The following PHLPP1 variants were observed in gnomAD, a reference collection of about 807,000 sequenced individuals.
PHLPP1 encodes the protein PH domain and leucine rich repeat protein phosphatase 1.
In PHLPP1, 42 loss-of-function variants were observed where a neutral mutation model predicts 117.2. That is an observed-to-expected ratio of 0.36 (90% CI 0.28 to 0.46). The LOEUF (loss-of-function observed/expected upper bound fraction) is 0.46, where lower values mean the gene tolerates loss of function less well. Ranked by LOEUF, PHLPP1 falls within the 20% of genes least tolerant of loss-of-function variation. The pLI is 1.00. For missense variants in PHLPP1, 2,084 were observed against 2,241.9 expected (o/e 0.93, Z 1.42); for synonymous variants, 1,042 against 970.7 (o/e 1.07, Z -1.37).
intron 1 of PHLPP1, among the ~76,000 whole-genome samples, chr18:62,759,837 A>G (rs774341359): frequency 1.2e-4 from 18 of 151,936 alleles, no homozygotes; most frequent in East Asian, 1.9e-4. Flanking sequence ...CCCCAACCCA[A>G]TCTTCTCTTT....
chr18:62,850,214 C>G (rs1275521619), intron 3 of PHLPP1, among the ~76,000 whole-genome samples: 4 of 151,524 alleles, frequency 2.6e-5, no homozygotes, highest in East Asian at 1.9e-4. Context: ...ATGGTGAAAC[C>G]CTGTCTCTAC....
chr18:62,747,483 T>C (rs143854703), intron 1 of PHLPP1, among the ~76,000 whole-genome samples: 139 of 151,712 alleles, frequency 9.2e-4, no homozygotes, highest in African/African-American at 3.2e-3. Context: ...TTACCTTTCC[T>C]ACCTTCCCTC....
rs1270680364 is a variant in PHLPP1 at position 62,822,273 on chromosome 18, T to TTG, written c.1577-7761_1577-7760insGT. On this transcript the variant is annotated intron_variant, in intron 1 of 16. Transcript: ENST00000262719. Reference sequence around the variant, plus strand: ...GATCTGTAGAAAATAGTGTTTTTTTTTTTTTTGTTTTTGTTTTTTTTTTTT... The same window carrying TTG: ...GATCTGTAGAAAATAGTGTTTTTTTTTGTTTTTTGTTTTTGTTTTTTTTTTTT... 2.8e-3 allele frequency among the ~76,000 whole-genome samples: 399 copies of TTG among 144,252 alleles called. 7 individuals carry two copies. The highest frequency in any genetic ancestry group is 4.8e-3 in the Non-Finnish European group (314 of 65,184). 94.6% of individuals were successfully genotyped at this position (144,252 alleles called of 152,430 possible). A position where few individuals can be genotyped will look rare whatever the true frequency, so the allele number is the denominator to read the frequency against.
At chr18:62,928,037 T>C (rs1237595824) in intron 10 of PHLPP1, among the ~76,000 whole-genome samples, 1 of 152,170 alleles carries the variant, frequency 6.6e-6, no homozygotes, top group African/African-American at 2.4e-5. Flanking sequence ...AAAAACATTA[T>C]ACAATGCAAG....
At chr18:62,834,060 A>G (rs570604839) in intron 2 of PHLPP1, among the ~76,000 whole-genome samples, 1 of 152,254 alleles carries the variant, frequency 6.6e-6, no homozygotes, top group African/African-American at 2.4e-5. Flanking sequence ...GTGACTTGTC[A>G]TAACAGTTAT....
intron 12 of PHLPP1, among the ~76,000 whole-genome samples, chr18:62,954,404 T>C (rs1310998209): frequency 2.0e-5 from 3 of 152,202 alleles, no homozygotes; most frequent in Non-Finnish European, 4.4e-5. Context: ...ATAAAGGGTC[T>C]TTTTTTATTC....
chr18:62,957,719 T>A (rs1248246343), intron 12 of PHLPP1, among the ~76,000 whole-genome samples: 4 of 151,674 alleles, frequency 2.6e-5, no homozygotes, highest in Non-Finnish European at 5.9e-5. Flanking sequence ...GATTCTTATT[T>A]TTTTTTTTTT....
chr18:62,880,458 G>A (rs187298405), intron 4 of PHLPP1, among the ~76,000 whole-genome samples: 1 of 152,118 alleles, frequency 6.6e-6, no homozygotes, highest in East Asian at 1.9e-4. Context: ...CCTTTGGTTT[G>A]AGAAGAGGAG....
At chr18:62,805,350 G>A in intron 1 of PHLPP1, among the ~76,000 whole-genome samples, 1 of 150,462 alleles carries the variant, frequency 6.6e-6, no homozygotes, top group South Asian at 2.1e-4. Context: ...TACATATACA[G>A]TATAATATAC....
intron 1 of PHLPP1, among the ~76,000 whole-genome samples, chr18:62,783,603 G>A (rs948436492): frequency 2.6e-5 from 4 of 152,152 alleles, no homozygotes; most frequent in Non-Finnish European, 4.4e-5. Flanking sequence ...CATGAAATGA[G>A]TATCTTTTCT....
chr18:62,824,148 A>G (rs752755095), intron 1 of PHLPP1: 10 of 449,236 alleles, frequency 2.2e-5, no homozygotes, highest in Admixed American at 2.5e-5. Context: ...AAAAAAAAAA[A>G]TGTTGACAGG....
At chr18:62,820,813 C>G (rs113670288) in intron 1 of PHLPP1, among the ~76,000 whole-genome samples, 3 of 152,138 alleles carry the variant, frequency 2.0e-5, no homozygotes, top group African/African-American at 4.8e-5. Flanking sequence ...GTATTTTACA[C>G]TATAAAACAA....
intron 4 of PHLPP1, among the ~76,000 whole-genome samples, chr18:62,864,000 AATTT>A (rs1915702083): frequency 9.4e-6 from 1 of 106,826 alleles, no homozygotes; most frequent in Non-Finnish European, 2.2e-5. Flanking sequence ...AATTTTTAAA[AATTT>A]ATTTGTTTAT....
chr18:62,873,946 G>T (rs540584823), intron 4 of PHLPP1, among the ~76,000 whole-genome samples: 1 of 150,020 alleles, frequency 6.7e-6, no homozygotes, highest in African/African-American at 2.5e-5. Context: ...GCACTTTGGG[G>T]GGCCAAGGCA....
At chr18:62,928,455 A>G (rs1042980905) in intron 10 of PHLPP1, among the ~76,000 whole-genome samples, 2 of 152,190 alleles carry the variant, frequency 1.3e-5, no homozygotes, top group African/African-American at 4.8e-5. Flanking sequence ...GTAAACAAAA[A>G]CCACAATCAG....
intron 14 of PHLPP1, among the ~76,000 whole-genome samples, chr18:62,968,255 G>A (rs1265148338): frequency 6.6e-6 from 1 of 152,140 alleles, no homozygotes; most frequent in African/African-American, 2.4e-5. Flanking sequence ...GGGTAATGCT[G>A]GCCTCATAGA....
Position 62,845,929 on chromosome 18 carries a change from G to C in PHLPP1, c.1899+7020G>C, listed in dbSNP as rs151257070. 2.9e-3 allele frequency among the ~76,000 whole-genome samples: 447 copies of C among 152,108 alleles called. 5 individuals are homozygous for C. Among genetic ancestry groups the C allele is most frequent in the African/African-American group, 0.01 (427 of 41,496 alleles). The stretch of plus-strand genomic sequence containing the variant: ...ACCATAGAATCTAAATGGAATGAAG[G>C]GGCTGGGTGCAGTGGCTTATGCCTG... On this transcript the variant is annotated intron_variant, in intron 3 of 16. Transcript: ENST00000262719.
chr18:62,832,112 A>G (rs1477765735), intron 2 of PHLPP1: 3 of 152,268 alleles, frequency 2.0e-5, no homozygotes, highest in Non-Finnish European at 4.4e-5. Context: ...GGGTGTTTGC[A>G]TAGGCAAATC....
At chr18:62,785,982 C>A (rs78669772) in intron 1 of PHLPP1, among the ~76,000 whole-genome samples, 2 of 152,282 alleles carry the variant, frequency 1.3e-5, no homozygotes, top group African/African-American at 4.8e-5. Flanking sequence ...TCTCTTATCA[C>A]CCTCTTTGAC....
Sources: allele counts gnomAD v4.1 joint callset (sites outside exome capture counted in the v4.1 genomes callset), GRCh38; gene constraint gnomAD v4.1.1; transcripts MANE v1.5; gene names NCBI Gene and HGNC (gene_info 2026-07-23, HGNC 2026-07-21).